PHACTR3: variants seen among roughly 807,000 people sequenced by gnomAD.
PHACTR3 encodes the protein phosphatase and actin regulator 3, also known as protein phosphatase 1, regulatory subunit 123.
PHACTR3 carries 16 observed loss-of-function variants against 66.8 expected under a neutral mutation model. That is an observed-to-expected ratio of 0.24 (90% CI 0.16 to 0.36). PHACTR3 has a LOEUF of 0.36. Among genes scored for constraint, PHACTR3 ranks in the 10% least tolerant of loss-of-function variants. The pLI, the probability that PHACTR3 is intolerant of heterozygous loss-of-function variation, is 1.00. For synonymous variants in PHACTR3, 323 were observed against 292.1 expected (o/e 1.11, Z -1.08); for missense variants, 647 against 719.9 (o/e 0.90, Z 1.16).
chr20:59,747,657 G>T, intron 2 of PHACTR3, 101 bp from the exon 3 acceptor site: 1 of 1,387,574 alleles, frequency 7.2e-7, no homozygotes, highest in Non-Finnish European at 1.0e-6. Flanking sequence ...CTAGCTCAGT[G>T]TTTTTGGTCT....
At chr20:59,690,585 C>T (rs2037074590) in intron 1 of PHACTR3, among the ~76,000 whole-genome samples, 1 of 152,174 alleles carries the variant, frequency 6.6e-6, no homozygotes, top group Non-Finnish European at 1.5e-5. Context: ...GGTGGGGAGA[C>T]TGTATTATAG....
Position 59,814,252 on chromosome 20 carries a change from C to T in PHACTR3, c.1328+8058C>T, listed in dbSNP as rs376455284. On this transcript the variant is annotated intron_variant, in intron 8 of 12. Coordinates refer to ENST00000371015, the MANE Select transcript of PHACTR3 (RefSeq NM_080672.5). ...AAGGGTTTCTCACATGCTACAGGCC[C>T]AGGAGCCAGCACCATCCTGGGGACG... 3.9e-4 allele frequency among the ~76,000 whole-genome samples: 60 copies of T among 152,280 alleles called. No homozygotes were observed. The East Asian group carries it at 0.01, about 27-fold the overall frequency.
chr20:59,618,095 C>T (rs752702762), intron 1 of PHACTR3, among the ~76,000 whole-genome samples: 3 of 152,198 alleles, frequency 2.0e-5, no homozygotes, highest in Non-Finnish European at 2.9e-5. Context: ...AAGGTGGCTT[C>T]GAATTAACTA....
chr20:59,689,677 A>C (rs1246982651), intron 1 of PHACTR3, among the ~76,000 whole-genome samples: 1 of 152,202 alleles, frequency 6.6e-6, no homozygotes, highest in Non-Finnish European at 1.5e-5. Flanking sequence ...AGGCCTTGCC[A>C]GGGATCCCAA....
intron 7 of PHACTR3, among the ~76,000 whole-genome samples, chr20:59,788,513 C>T (rs6100593): frequency 4.1e-4 from 62 of 152,288 alleles, no homozygotes; most frequent in African/African-American, 1.4e-3. Flanking sequence ...GCCATCCTGG[C>T]CCCTCTTCCC....
Position 59,830,918 on chromosome 20 carries a change from AAAT to A in PHACTR3, c.1329-5586_1329-5584del, listed in dbSNP as rs1435767086. Among the ~76,000 whole-genome samples the A allele has an allele frequency of 6.6e-6, 1 of 152,074 alleles. No homozygotes were observed. The highest frequency in any genetic ancestry group is 1.5e-5 in the Non-Finnish European group (1 of 68,004). On this transcript the variant is annotated intron_variant, in intron 8 of 12. Coordinates refer to ENST00000371015, the MANE Select transcript of PHACTR3 (RefSeq NM_080672.5). The surrounding 1 kb of genome is among the most constrained non-coding windows in gnomAD (Gnocchi z 5.8). ...CAGTTGACAGCCTCCACAGACCTGG[AAAT>A]GTGGGTGGCACAGTGGCATCATGAC... is the stretch of plus-strand genomic sequence containing the variant.
At chr20:59,593,647 C>T (rs2033248821) in intron 1 of PHACTR3, among the ~76,000 whole-genome samples, 1 of 152,042 alleles carries the variant, frequency 6.6e-6, no homozygotes, top group Admixed American at 6.6e-5. Flanking sequence ...ACATTTAGTT[C>T]TATGATATAT....
chr20:59,772,125 A>T (rs1397217801), intron 5 of PHACTR3, among the ~76,000 whole-genome samples: 1 of 152,196 alleles, frequency 6.6e-6, no homozygotes, highest in Non-Finnish European at 1.5e-5. Context: ...GCATACTGGG[A>T]AATGGCAGAT....
chr20:59,581,791 G>A (rs549119155), intron 1 of PHACTR3, among the ~76,000 whole-genome samples: 95 of 151,794 alleles, frequency 6.3e-4, no homozygotes, highest in Non-Finnish European at 1.2e-3. Context: ...TGAGGCAGGA[G>A]AAAGGCGTGA....
chr20:59,682,076 A>G (rs1269488112), intron 1 of PHACTR3, among the ~76,000 whole-genome samples: 1 of 151,978 alleles, frequency 6.6e-6, no homozygotes, highest in Non-Finnish European at 1.5e-5. Flanking sequence ...GCGGTGGCTC[A>G]TGCCTGTAAT....
chr20:59,682,045 A>C lies in PHACTR3; in HGVS notation c.119-61062A>C, dbSNP rs1269525303. On this transcript the variant is annotated intron_variant, in intron 1 of 12. Transcript: ENST00000371015. ...AAAAGAAAGAAAGAAAGAAAAAAAT[A>C]ATCAGGCCTCTTGGCTGGACGCGGT... is the stretch of plus-strand genomic sequence containing the variant. Among the ~76,000 whole-genome samples, 7 of 151,792 alleles carry C rather than the reference A, an allele frequency of 4.6e-5. No individual in the cohort carries two copies. In the East Asian group the frequency reaches 1.2e-3, roughly 25 times the overall value.
At chr20:59,687,405 G>A (rs1315286649) in intron 1 of PHACTR3, among the ~76,000 whole-genome samples, 2 of 152,174 alleles carry the variant, frequency 1.3e-5, no homozygotes, top group Non-Finnish European at 2.9e-5. Context: ...AAACACTACT[G>A]AGTTAATAAG....
At chr20:59,760,553 CTT>C (rs766413218) in intron 4 of PHACTR3, among the ~76,000 whole-genome samples, 1 of 152,180 alleles carries the variant, frequency 6.6e-6, no homozygotes, top group Non-Finnish European at 1.5e-5. Flanking sequence ...TTCTCATTCT[CTT>C]TTGTCTGCCA....
intron 7 of PHACTR3, among the ~76,000 whole-genome samples, chr20:59,796,681 C>T (rs533790556): frequency 3.3e-5 from 5 of 152,266 alleles, no homozygotes; most frequent in African/African-American, 1.2e-4. Context: ...CCATTCTCTC[C>T]AGGCCTGACA....
chr20:59,602,619 C>T (rs2033511851), upstream of PHACTR3, among the ~76,000 whole-genome samples: 1 of 150,182 alleles, frequency 6.7e-6, no homozygotes, highest in Admixed American at 6.6e-5. Context: ...TCTTTCTCCT[C>T]CCCCCCACCT....
At chr20:59,642,112 T>C (rs1478113591) in intron 1 of PHACTR3, among the ~76,000 whole-genome samples, 2 of 152,000 alleles carry the variant, frequency 1.3e-5, no homozygotes, top group Non-Finnish European at 2.9e-5. Flanking sequence ...GAGGTCCGGA[T>C]GTAGAGAAGG....
chr20:59,672,348 A>G (rs1327730151), intron 1 of PHACTR3, among the ~76,000 whole-genome samples: 2 of 152,228 alleles, frequency 1.3e-5, no homozygotes, highest in Admixed American at 1.3e-4. Context: ...TCAGTTTCCC[A>G]TCTCTAAAGT....
chr20:59,709,586 T>A (rs1342755953), intron 1 of PHACTR3, among the ~76,000 whole-genome samples: 3 of 152,218 alleles, frequency 2.0e-5, no homozygotes, highest in African/African-American at 7.2e-5. Flanking sequence ...GGTTATATTA[T>A]TGAATAAAGA....
rs367678189 is a variant in PHACTR3, at chr20:59,774,354, C to T, written c.1038C>T (p.Asp346=). The T allele has an allele frequency of 3.0e-5, 48 of 1,613,924 alleles. No homozygotes were observed. The highest frequency in any genetic ancestry group is 1.6e-4 in the Middle Eastern group (1 of 6,084). ...GKEREEAWSF[D]GALENKRTAA... ...AGAGGGAGGAGGCTTGGAGCTTTGA[C>T]GGGGCATTGGAGAACAAGCGAACTG... Residue 346 remains aspartate, a synonymous_variant, in exon 7 of 13, where the codon GAC becomes GAT. Transcript: ENST00000371015.
Sources: gnomAD v4.1 joint callset for allele counts (sites outside exome capture counted in the v4.1 genomes callset) on GRCh38, gnomAD v4.1.1 for gene constraint, Gnocchi (gnomAD v3.1) non-coding constraint, MANE v1.5 for transcripts, NCBI Gene and HGNC (gene_info 2026-07-23, HGNC 2026-07-21) for gene names.